ASB5: variants seen among roughly 807,000 people sequenced by gnomAD.
ASB5 encodes ankyrin repeat and SOCS box containing 5, also known as ankyrin repeat and SOCS box protein 5.
ASB5 carries 45 observed loss-of-function variants against 42.1 expected under a neutral mutation model. That is an observed-to-expected ratio of 1.07 (90% confidence interval 0.84 to 1.37). ASB5 has a LOEUF of 1.37. ASB5 is among the 40% of genes most tolerant of loss of function. The pLI, the probability that ASB5 is intolerant of heterozygous loss-of-function variation, is 0.00. For missense variants in ASB5, 402 were observed against 399.8 expected, an observed-to-expected ratio of 1.01 and a Z score of -0.05; for synonymous variants, 147 against 150.6, an observed-to-expected ratio of 0.98 and a Z score of 0.18.
At chr4:176,262,208 C>T (rs1055123798) in intron 1 of ASB5, among the ~76,000 whole-genome samples, 1 of 152,102 alleles carries the variant, frequency 6.6e-6, no homozygotes, top group African/African-American at 2.4e-5. Flanking sequence ...AATTTTAAAA[C>T]GTTGACAATA....
At chr4:176,252,513 G>A (rs1469073417) in intron 1 of ASB5, among the ~76,000 whole-genome samples, 2 of 152,144 alleles carry the variant, frequency 1.3e-5, no homozygotes, top group African/African-American at 4.8e-5. Context: ...TCTAAATTCC[G>A]AAGATGAAGT....
upstream of ASB5, among the ~76,000 whole-genome samples, chr4:176,271,417 A>C (rs1754466689): frequency 6.6e-6 from 1 of 152,196 alleles, no homozygotes; most frequent in East Asian, 1.9e-4. Context: ...TTTTCCTGGC[A>C]TTTTCATTTC....
chr4:176,268,326 C>A (rs748119653), intron 1 of ASB5, among the ~76,000 whole-genome samples: 37 of 152,076 alleles, frequency 2.4e-4, no homozygotes, highest in Non-Finnish European at 5.1e-4. Context: ...CTTTTATAAC[C>A]AATTTTTTAC....
intron 1 of ASB5, among the ~76,000 whole-genome samples, chr4:176,237,016 A>G (rs1452725167): frequency 6.6e-6 from 1 of 152,178 alleles, no homozygotes; most frequent in African/African-American, 2.4e-5. Flanking sequence ...CCTTGTTTCC[A>G]TACCAACTTA....
At chr4:176,231,929 T>G (rs950063742) in intron 1 of ASB5, among the ~76,000 whole-genome samples, 2 of 151,966 alleles carry the variant, frequency 1.3e-5, no homozygotes, top group African/African-American at 4.8e-5. Flanking sequence ...GGATGTGGAC[T>G]CAATAGAGAG....
intron 3 of ASB5, 110 bp downstream of exon 3, chr4:176,222,203 G>C (rs528846398): frequency 1.1e-6 from 1 of 943,460 alleles, no homozygotes; most frequent in Non-Finnish European, 1.6e-6. Context: ...TTTTTATTCT[G>C]CTATTTTTGA....
chr4:176,230,342 A>G (rs909737134), intron 1 of ASB5, among the ~76,000 whole-genome samples: 1 of 152,212 alleles, frequency 6.6e-6, no homozygotes, highest in Admixed American at 6.5e-5. Context: ...ATTAAATGAC[A>G]TAAAACAATT....
intron 1 of ASB5, among the ~76,000 whole-genome samples, chr4:176,237,744 T>G (rs977000155): frequency 6.6e-6 from 1 of 152,168 alleles, no homozygotes; most frequent in Non-Finnish European, 1.5e-5. Context: ...CTTTTCCTAG[T>G]CGAAACAGAA....
At chr4:176,241,369 A>G in intron 1 of ASB5, 1 of 1,011,210 alleles carries the variant, frequency 9.9e-7, no homozygotes, top group Non-Finnish European at 1.4e-6. Context: ...AAAAAAATGA[A>G]TGTTTACTCC....
intron 1 of ASB5, among the ~76,000 whole-genome samples, chr4:176,268,340 C>T (rs1754399026): frequency 6.6e-6 from 1 of 152,128 alleles, no homozygotes; most frequent in South Asian, 2.1e-4. Context: ...TTTTTACAAA[C>T]TGAGCTGAGC....
At chr4:176,222,463 A>G in intron 2 of ASB5, 43 bp from the exon 3 acceptor site, 1 of 1,499,046 alleles carries the variant, frequency 6.7e-7, no homozygotes, top group African/African-American at 1.4e-5. Context: ...AGAGTTATAT[A>G]CTTAAAAAAT....
intron 1 of ASB5, among the ~76,000 whole-genome samples, chr4:176,226,267 C>T (rs6853952): frequency 0.38 from 57,788 of 151,924 alleles, 11,278 homozygotes; most frequent in Non-Finnish European, 0.43. Flanking sequence ...GGAACACTCT[C>T]CTCGAGTTGG....
chr4:176,251,179 C>A (rs959977815), intron 1 of ASB5, among the ~76,000 whole-genome samples: 1 of 151,316 alleles, frequency 6.6e-6, no homozygotes, highest in Non-Finnish European at 1.5e-5. Flanking sequence ...ACCATGTGCT[C>A]ATGGGAGGTT....
At chr4:176,237,688 CTT>C in intron 1 of ASB5, 1 of 623,570 alleles carries the variant, frequency 1.6e-6, no homozygotes, top group Non-Finnish European at 2.0e-6. Flanking sequence ...AGCCGGAAGT[CTT>C]TAACTATTTG....
At chr4:176,259,303 A>AT in intron 1 of ASB5, among the ~76,000 whole-genome samples, 1 of 152,342 alleles carries the variant, frequency 6.6e-6, no homozygotes, top group South Asian at 2.1e-4. Flanking sequence ...AAACTTCCAA[A>AT]TTCAAGAATT....
upstream of ASB5, among the ~76,000 whole-genome samples, chr4:176,270,599 G>A (rs573258895): frequency 6.6e-6 from 1 of 152,170 alleles, no homozygotes; most frequent in Non-Finnish European, 1.5e-5. Flanking sequence ...ATGGCCCCTG[G>A]TATCATTTTC....
Position 176,217,698 on chromosome 4 carries a change from C to T in ASB5, c.671-689G>A, listed in dbSNP as rs562735454. On this transcript the variant is annotated intron_variant, in intron 5 of 6. Coordinates refer to ENST00000296525, the MANE Select transcript of ASB5 (RefSeq NM_080874.4). ...TTACCTATTGCACACTTACTTTATC[C>T]CAGTGCAAAGCCTGGCACATGCTGG... Among the ~76,000 whole-genome samples, 5 of 152,146 alleles carry T rather than the reference C, an allele frequency of 3.3e-5. No individual in the cohort carries two copies. The South Asian group carries it at 8.3e-4, about 25-fold the overall frequency.
chr4:176,254,947 T>C (rs1323562271), intron 1 of ASB5, among the ~76,000 whole-genome samples: 3 of 152,074 alleles, frequency 2.0e-5, no homozygotes, highest in Non-Finnish European at 4.4e-5. Flanking sequence ...CTGACCAACA[T>C]GGTGAAACCC....
chr4:176,228,742 G>A (rs1753445828), intron 1 of ASB5, among the ~76,000 whole-genome samples: 1 of 152,138 alleles, frequency 6.6e-6, no homozygotes, highest in Admixed American at 6.6e-5. Flanking sequence ...TAACTTATAG[G>A]AAATTGGAAC....
Sources: gnomAD v4.1 joint callset for allele counts (sites outside exome capture counted in the v4.1 genomes callset) on GRCh38, gnomAD v4.1.1 for gene constraint, MANE v1.5 for transcripts, NCBI Gene and HGNC (gene_info 2026-07-23, HGNC 2026-07-21) for gene names.